The following RERGL variants were observed in gnomAD, a reference collection of about 807,000 sequenced individuals.
RERGL encodes the protein ras-related and estrogen-regulated growth inhibitor-like protein.
In RERGL, 22 loss-of-function variants were observed where a neutral mutation model predicts 24.7. That is an observed-to-expected ratio of 0.89 (90% CI 0.64 to 1.27). The LOEUF (loss-of-function observed/expected upper bound fraction) is 1.27. RERGL is among the 50% of genes most tolerant of loss of function. The pLI, the probability that RERGL is intolerant of heterozygous loss-of-function variation, is 0.00. For missense variants in RERGL, 259 were observed against 235.3 expected, an observed-to-expected ratio of 1.10 and a Z score of -0.66; for synonymous variants, 76 against 82.6, an observed-to-expected ratio of 0.92 and a Z score of 0.43.
In RERGL at chr12:18,085,983, G is replaced by C. The variant is rs1444977801; in HGVS notation, c.110-290C>G. Among the ~76,000 whole-genome samples, 3 of 148,302 alleles carry C rather than the reference G, an allele frequency of 2.0e-5. No homozygotes were observed. The Admixed American group carries it at 2.0e-4, about 10-fold the overall frequency. On this transcript the variant is annotated intron_variant, in intron 2 of 4. Coordinates refer to ENST00000538724, the MANE Select transcript of RERGL (RefSeq NM_001286201.2). ...CGCCGTTCTCCTGCCTCAGCCTCCC[G>C]AGTAGCTGGGACTACAGGGGCTCGC...
chr12:18,081,478 A>C lies in RERGL; in HGVS notation c.333-5T>G. 2 of 1,560,706 alleles carry C rather than the reference A, an allele frequency of 1.3e-6. No individual in the cohort carries two copies. The highest frequency in any genetic ancestry group is 8.7e-7 in the Non-Finnish European group (1 of 1,150,880). Reference sequence around the variant, plus strand: ...AACACTGCTGATTCCACAGCTCTGAAATAGAGATACACAATTTTTAGCAAG... The same window carrying C: ...AACACTGCTGATTCCACAGCTCTGACATAGAGATACACAATTTTTAGCAAG... On this transcript the variant is annotated splice_polypyrimidine_tract_variant and splice_region_variant and intron_variant, in intron 4 of 4. Coordinates refer to ENST00000538724, the MANE Select transcript of RERGL (RefSeq NM_001286201.2).
intron 4 of RERGL, among the ~76,000 whole-genome samples, chr12:18,083,159 A>G (rs1011168753): frequency 2.0e-5 from 3 of 152,130 alleles, no homozygotes; most frequent in Non-Finnish European, 4.4e-5. Flanking sequence ...ATGAGGAAGG[A>G]TATATACATG....
chr12:18,081,451 A>G lies in RERGL; in HGVS notation c.355T>C (p.Leu119=), dbSNP rs1250452436. Residue 119 remains leucine, a synonymous_variant, in exon 5 of 5, where the codon TTG becomes CTG. Transcript: ENST00000538724. The stretch of plus-strand genomic sequence containing the variant: ...CAAAGATCTCGTTTGTTGCCAACCA[A>G]AAACACTGCTGATTCCACAGCTCTG... ...CKRAVESAVF[L]VGNKRDLCHV... The G allele has an allele frequency of 2.5e-6, 4 of 1,611,508 alleles. No individual in the cohort carries two copies.
At chr12:18,084,411 G>T in intron 4 of RERGL, 106 bp downstream of exon 4, 1 of 1,094,572 alleles carries the variant, frequency 9.1e-7, no homozygotes, top group Non-Finnish European at 1.3e-6. Context: ...GTTCAGGGCT[G>T]TTAAATTTTG....
At chr12:18,084,141 G>T (rs933621604) in intron 4 of RERGL, among the ~76,000 whole-genome samples, 4 of 152,136 alleles carry the variant, frequency 2.6e-5, no homozygotes, top group Non-Finnish European at 5.9e-5. Flanking sequence ...ATTTCATGTG[G>T]TGCCAAACGT....
chr12:18,082,514 T>C (rs1947183894), intron 4 of RERGL, among the ~76,000 whole-genome samples: 1 of 152,110 alleles, frequency 6.6e-6, no homozygotes. Flanking sequence ...AAAATAATCC[T>C]CCTCACACAG....
chr12:18,089,952 T>C (rs1947254561), intron 1 of RERGL, 137 bp downstream of exon 1: 1 of 574,588 alleles, frequency 1.7e-6, no homozygotes, highest in Admixed American at 3.8e-5. Context: ...GTGCCTATCA[T>C]CCCAGTGAGA....
chr12:18,089,487 T>G (rs1947250400), intron 1 of RERGL: 2 of 688,492 alleles, frequency 2.9e-6, no homozygotes, highest in Non-Finnish European at 4.2e-6. Flanking sequence ...TAGGCTCAAG[T>G]GACCCTATTG....
At chr12:18,087,199 T>C (rs1156303428) in intron 2 of RERGL, among the ~76,000 whole-genome samples, 1 of 152,154 alleles carries the variant, frequency 6.6e-6, no homozygotes, top group Non-Finnish European at 1.5e-5. Flanking sequence ...TTCTGGTGTA[T>C]TCTCAACACA....
At position 18,080,982 on chromosome 12, in the gene RERGL, G is replaced by A. The variant is rs1947164500; in HGVS notation, c.*209C>T. The A allele has an allele frequency of 2.3e-6, 1 of 430,938 alleles. No homozygotes were observed. The highest frequency in any genetic ancestry group is 2.0e-5 in the African/African-American group (1 of 51,058). The allele number at this position is 430,938 out of a possible 1,614,324, so 26.7% of individuals were successfully genotyped here. ...GTGTGATGTTGTACAATAAATGAAAGGTTCTGTGTGAAGGAGAGTGAGCAG... is the reference window on the plus strand; with the variant it reads ...GTGTGATGTTGTACAATAAATGAAAAGTTCTGTGTGAAGGAGAGTGAGCAG... On this transcript the variant is annotated 3_prime_UTR_variant, in exon 5 of 5. Transcript: ENST00000538724.
intron 4 of RERGL, 104 bp downstream of exon 4, chr12:18,084,413 T>C: frequency 8.8e-7 from 1 of 1,131,894 alleles, no homozygotes; most frequent in Non-Finnish European, 1.2e-6. Context: ...TCAGGGCTGT[T>C]AAATTTTGTA....
chr12:18,081,362 G>T lies in RERGL; in HGVS notation c.444C>A (p.Phe148Leu), dbSNP rs756295833. ...QKLALENRCQ[F>L]CELSAAEQSL... ...ACTGCTCTGCTGCAGACAGTTCACA[G>T]AATTGGCATCGGTTTTCCAGTGCCA... Residue 148 changes from phenylalanine to leucine, a missense_variant, in exon 5 of 5, where the codon TTC (phenylalanine) becomes TTA (leucine). By Grantham distance (22) the Phe-to-Leu change is conservative. Transcript: ENST00000538724. 9 of 1,613,958 alleles carry T rather than the reference G, an allele frequency of 5.6e-6. 1 individual carries two copies. In the Admixed American group the frequency reaches 1.5e-4, roughly 27 times the overall value.
intron 2 of RERGL, among the ~76,000 whole-genome samples, chr12:18,088,348 T>G (rs562655498): frequency 6.6e-5 from 10 of 152,146 alleles, no homozygotes; most frequent in Admixed American, 2.6e-4. Flanking sequence ...AAACAGAAAT[T>G]TATAGAAGAG....
At position 18,081,413 on chromosome 12, in the gene RERGL, C is replaced by G. The variant is rs1250455285; in HGVS notation, c.393G>C (p.Glu131Asp). 3 of 1,613,938 alleles carry G rather than the reference C, an allele frequency of 1.9e-6. No individual in the cohort carries two copies. Among genetic ancestry groups the G allele is most frequent in the South Asian group, 1.1e-5 (1 of 91,060 alleles). Residue 131 changes from glutamate (E) to aspartate (D), a missense_variant, in exon 5 of 5, where the codon GAG becomes GAC. Physicochemically the swap from Glu to Asp is conservative, Grantham distance 45 (BLOSUM62 2). Coordinates refer to ENST00000538724, the MANE Select transcript of RERGL (RefSeq NM_001286201.2). ...GNKRDLCHVREVGWEEGQKLA... is the reference protein window; with the variant it reads ...GNKRDLCHVRDVGWEEGQKLA... The stretch of plus-strand genomic sequence containing the variant: ...GCTTTTGCCCTTCTTCCCAGCCAAC[C>G]TCTCGCACATGACAAAGATCTCGTT...
At chr12:18,087,886 TATA>T (rs1338433993) in intron 2 of RERGL, among the ~76,000 whole-genome samples, 1 of 152,180 alleles carries the variant, frequency 6.6e-6, no homozygotes, top group Non-Finnish European at 1.5e-5. Flanking sequence ...TTCAACTTTC[TATA>T]ATCAGCTTTC....
intron 2 of RERGL, among the ~76,000 whole-genome samples, 194 bp downstream of exon 2, chr12:18,088,706 G>A (rs1238674050): frequency 6.6e-6 from 1 of 152,020 alleles, no homozygotes; most frequent in African/African-American, 2.4e-5. Flanking sequence ...ACATCAAATT[G>A]GGTGAATTTT....
chr12:18,081,333 A>G lies in RERGL; in HGVS notation c.473T>C (p.Leu158Pro), dbSNP rs1947169037. ...FCELSAAEQS[L>P]EVEMMFIRII... ...TCTGATAAACATCATTTCCACCTCC[A>G]GAGACTGCTCTGCTGCAGACAGTTC... Residue 158 changes from leucine to proline, a missense_variant, in exon 5 of 5, where the codon CTG becomes CCG. By Grantham distance (98) the Leu-to-Pro change is moderately conservative. Transcript: ENST00000538724. 1.2e-6 allele frequency: 2 copies of G among 1,614,058 alleles called. No homozygotes were observed. Among genetic ancestry groups the G allele is most frequent in the South Asian group, 2.2e-5 (2 of 91,086 alleles).
chr12:18,088,816 A>C (rs1351713218), intron 2 of RERGL, 84 bp downstream of exon 2: 1 of 885,066 alleles, frequency 1.1e-6, no homozygotes, highest in Non-Finnish European at 1.9e-6. Flanking sequence ...GGTATAGTCT[A>C]TCAAAATGCA....
intron 4 of RERGL, among the ~76,000 whole-genome samples, chr12:18,084,025 G>A (rs1410001777): frequency 3.3e-5 from 5 of 152,106 alleles, no homozygotes; most frequent in Admixed American, 3.3e-4. Flanking sequence ...CCCTTTAGGA[G>A]GTAAAATGGA....
Sources: gnomAD v4.1 joint callset for allele counts (sites outside exome capture counted in the v4.1 genomes callset) on GRCh38, gnomAD v4.1.1 for gene constraint, MANE v1.5 for transcripts, NCBI Gene and HGNC (gene_info 2026-07-23, HGNC 2026-07-21) for gene names.